NLGN1: variants seen among roughly 807,000 people sequenced by gnomAD.
NLGN1 encodes neuroligin 1.
A neutral mutation model predicts 65.5 loss-of-function variants in NLGN1; 12 were observed. That is an observed-to-expected ratio of 0.18 (90% CI 0.12 to 0.30). The LOEUF is 0.30. Ranked by LOEUF, NLGN1 falls within the 10% of genes least tolerant of loss-of-function variation. The pLI is 1.00. For missense variants in NLGN1, 750 were observed against 1,007.1 expected, an observed-to-expected ratio of 0.74 and a Z score of 3.46; for synonymous variants, 350 against 359.5, an observed-to-expected ratio of 0.97 and a Z score of 0.30.
intron 4 of NLGN1, among the ~76,000 whole-genome samples, chr3:174,175,527 A>G (rs1358622222): frequency 6.6e-6 from 1 of 151,754 alleles, no homozygotes; most frequent in African/African-American, 2.4e-5. Flanking sequence ...ATGTGTCTCT[A>G]TTGAAGTTTT....
intron 4 of NLGN1, among the ~76,000 whole-genome samples, chr3:173,872,576 C>T (rs1731376252): frequency 6.6e-6 from 1 of 152,076 alleles, no homozygotes; most frequent in South Asian, 2.1e-4. Flanking sequence ...CATGCAAATG[C>T]CCCTGAAGCA....
intron 4 of NLGN1, among the ~76,000 whole-genome samples, chr3:174,019,578 A>T (rs2152456036): frequency 6.6e-6 from 1 of 152,304 alleles, no homozygotes; most frequent in South Asian, 2.1e-4. Context: ...TTTTGTTGCA[A>T]GTAAATACTG....
chr3:174,158,497 GAT>G (rs138372519), intron 4 of NLGN1, among the ~76,000 whole-genome samples: 1,929 of 151,774 alleles, frequency 0.013, 26 homozygotes, highest in South Asian at 0.05. Flanking sequence ...AAGTCATTGT[GAT>G]ATATAGCCTT....
At chr3:173,615,506 A>G (rs961583499) in intron 3 of NLGN1, among the ~76,000 whole-genome samples, 2 of 152,190 alleles carry the variant, frequency 1.3e-5, no homozygotes, top group Admixed American at 1.3e-4. Flanking sequence ...AAAAAACAAA[A>G]TGAGGAAATA....
intron 2 of NLGN1, among the ~76,000 whole-genome samples, chr3:173,450,319 T>C (rs1326936949): frequency 1.3e-5 from 2 of 152,198 alleles, no homozygotes; most frequent in Non-Finnish European, 2.9e-5. Context: ...CCTTCACTTA[T>C]GAAGCTTAGT....
At chr3:174,005,086 T>C (rs1724090497) in intron 4 of NLGN1, among the ~76,000 whole-genome samples, 1 of 152,202 alleles carries the variant, frequency 6.6e-6, no homozygotes. Flanking sequence ...TATTATATGC[T>C]ATCTTCATTT....
intron 3 of NLGN1, among the ~76,000 whole-genome samples, chr3:173,658,350 G>T (rs1760400791): frequency 6.6e-6 from 1 of 151,940 alleles, no homozygotes; most frequent in African/African-American, 2.4e-5. Context: ...CTTTACAGGA[G>T]AGAGAAATAG....
intron 1 of NLGN1, among the ~76,000 whole-genome samples, chr3:173,407,746 CACAT>C (rs1204372150): frequency 6.6e-6 from 1 of 152,128 alleles, no homozygotes; most frequent in Non-Finnish European, 1.5e-5. Context: ...AGTAAACACA[CACAT>C]ACAACACATT....
intron 4 of NLGN1, among the ~76,000 whole-genome samples, chr3:174,163,854 T>C (rs1368314388): frequency 6.6e-6 from 1 of 152,124 alleles, no homozygotes; most frequent in African/African-American, 2.4e-5. Context: ...CTGAAACTGA[T>C]TCCATGTCAT....
intron 4 of NLGN1, among the ~76,000 whole-genome samples, chr3:173,848,362 A>G (rs1726232069): frequency 6.6e-6 from 1 of 152,182 alleles, no homozygotes; most frequent in Non-Finnish European, 1.5e-5. Context: ...CAAAAGTTGC[A>G]CCTTAAAGAG....
chr3:173,685,597 A>G (rs980286305), intron 3 of NLGN1: 1 of 967,136 alleles, frequency 1.0e-6, no homozygotes, highest in Non-Finnish European at 1.2e-6. Context: ...ATTAAAGTTC[A>G]GTTATCAGAG....
chr3:173,618,143 G>T (rs1166242347), intron 3 of NLGN1, among the ~76,000 whole-genome samples: 1 of 152,006 alleles, frequency 6.6e-6, no homozygotes, highest in Non-Finnish European at 1.5e-5. Context: ...GCCTTCCGTT[G>T]GTTATCACCA....
chr3:173,878,724 A>G (rs1732657431), intron 4 of NLGN1, among the ~76,000 whole-genome samples: 1 of 151,582 alleles, frequency 6.6e-6, no homozygotes, highest in Admixed American at 6.6e-5. Context: ...GTGTATATAT[A>G]TATTTAACCT....
At chr3:173,909,061 G>A (rs1227580722) in intron 4 of NLGN1, among the ~76,000 whole-genome samples, 1 of 151,948 alleles carries the variant, frequency 6.6e-6, no homozygotes, top group Non-Finnish European at 1.5e-5. Flanking sequence ...TTCCATTACT[G>A]GCAAACATTT....
intron 4 of NLGN1, among the ~76,000 whole-genome samples, chr3:173,841,422 C>T (rs1028625632): frequency 1.3e-5 from 2 of 152,066 alleles, no homozygotes; most frequent in African/African-American, 4.8e-5. Context: ...ATATGTGGAA[C>T]AGGAGGAGGT....
At chr3:173,763,571 G>C (rs980656551) in intron 3 of NLGN1, among the ~76,000 whole-genome samples, 1 of 151,892 alleles carries the variant, frequency 6.6e-6, no homozygotes, top group Non-Finnish European at 1.5e-5. Flanking sequence ...GTGAAACTTT[G>C]TTTTGATACA....
chr3:173,537,110 A>G lies in NLGN1; in HGVS notation c.-320-67169A>G, dbSNP rs79736654. On this transcript the variant is annotated intron_variant, in intron 2 of 6. Transcript: ENST00000457714. ...TCTGTGTTACTGAGTCCACCAGTTC[A>G]CTGTTAATCTCGCCCAGAAACACTC... 2.0e-5 allele frequency among the ~76,000 whole-genome samples: 3 copies of G among 152,174 alleles called. No homozygotes were observed. In the East Asian group the frequency reaches 5.8e-4, roughly 29 times the overall value.
chr3:173,594,461 G>T (rs1453294917), intron 2 of NLGN1, among the ~76,000 whole-genome samples: 2 of 152,188 alleles, frequency 1.3e-5, no homozygotes, highest in Non-Finnish European at 2.9e-5. Flanking sequence ...ATGGTCTTGG[G>T]CAGCTCTACC....
chr3:173,720,540 G>A (rs1330601068), intron 3 of NLGN1, among the ~76,000 whole-genome samples: 1 of 151,932 alleles, frequency 6.6e-6, no homozygotes. Context: ...AGGTGGGAGT[G>A]GATATTTCAA....
Sources: allele counts gnomAD v4.1 joint callset (sites outside exome capture counted in the v4.1 genomes callset), GRCh38; gene constraint gnomAD v4.1.1; transcripts MANE v1.5; gene names NCBI Gene and HGNC (gene_info 2026-07-23, HGNC 2026-07-21).